RNF17: variants seen among roughly 807,000 people sequenced by gnomAD.
The protein encoded by RNF17 is ring finger protein 17, also known as spermatogenesis associated 23.
In RNF17, 31 loss-of-function variants were observed where a neutral mutation model predicts 200.5. The observed-to-expected ratio is 0.15, with a 90% CI of 0.12 to 0.21. The LOEUF is 0.21. Ranked by LOEUF, RNF17 falls within the 10% of genes least tolerant of loss-of-function variation. RNF17 has a pLI of 1.00. For synonymous variants in RNF17, 606 were observed against 637.8 expected (o/e 0.95, Z 0.75); for missense variants, 1,628 against 1,905.1 (o/e 0.85, Z 2.71).
At position 24,788,014 on chromosome 13, in the gene RNF17, C is replaced by T; in HGVS notation, c.638C>T (p.Ala213Val). The T allele has an allele frequency of 1.3e-6, 2 of 1,559,848 alleles. No individual in the cohort carries two copies. Among genetic ancestry groups the T allele is most frequent in the Non-Finnish European group, 1.7e-6 (2 of 1,160,312 alleles). The change falls in exon 7 of 36, where the codon GCA (alanine) becomes GTA (valine). Residue 213 changes from alanine to valine, a missense_variant. Ala to Val is a moderately conservative substitution (Grantham distance 64). Coordinates refer to ENST00000255324, the MANE Select transcript of RNF17 (RefSeq NM_031277.3). ...AAAAAGAACCTGTGTGAAGAATTTG[C>T]AAGAACTACTGATGATTATCTATCA... ...SRKKNLCEEF[A>V]RTTDDYLSNL...
At chr13:24,885,341 G>T in the RNF17 span, 2 of 1,613,770 alleles carry the variant, frequency 1.2e-6, no homozygotes, top group East Asian at 2.2e-5. Flanking sequence ...TTATATTCAG[G>T]ATCTGGGAAG....
downstream of RNF17, chr13:24,884,129 G>GAAGT (rs1566276064): frequency 6.2e-7 from 1 of 1,612,716 alleles, no homozygotes; most frequent in Admixed American, 1.7e-5. Flanking sequence ...AGGAAGGGAA[G>GAAGT]AATTTAATGA....
intron 22 of RNF17, among the ~76,000 whole-genome samples, chr13:24,848,052 C>G (rs1891447792): frequency 6.6e-6 from 1 of 152,182 alleles, no homozygotes; most frequent in South Asian, 2.1e-4. Context: ...TTAAGAACTT[C>G]TGGAACCTGC....
chr13:24,785,496 TAGTC>T (rs1028052601), intron 6 of RNF17, among the ~76,000 whole-genome samples: 5 of 152,208 alleles, frequency 3.3e-5, no homozygotes, highest in Non-Finnish European at 5.9e-5. Flanking sequence ...CATTAAACAT[TAGTC>T]AGCATGGTCT....
In RNF17 at chr13:24,862,761, C is replaced by T; in HGVS notation, c.3943C>T (p.Leu1315Phe). The change falls in exon 28 of 36, where the codon CTT becomes TTT. Residue 1315 changes from leucine (L) to phenylalanine (F), a missense_variant. This residue lies in a region of RNF17 where 609 missense variants were observed against 681.9 expected (regional missense o/e 0.89). Transcript: ENST00000255324. Reference protein sequence around the residue: ...PDAIEVLQQLLSKRQVDIHIM... With the variant: ...PDAIEVLQQLFSKRQVDIHIM... ...TGCAATAGAAGTTCTTCAACAACTG[C>T]TTTCAAAGAGACAGGTGGACATTCA... The T allele has an allele frequency of 6.2e-7, 1 of 1,607,370 alleles. No individual in the cohort carries two copies. The highest frequency in any genetic ancestry group is 8.5e-7 in the Non-Finnish European group (1 of 1,174,102).
rs778464641 is a variant in RNF17, at chr13:24,843,761, A to G, written c.2621A>G (p.Asn874Ser). The stretch of plus-strand genomic sequence containing the variant: ...TTTTTCAGATACATCCTCAAAGATA[A>G]TTCTCAAAAGCATATTGAAGTTTGG... ...SYEIGYILKD[N>S]SQKHIEVWDP... is the part of the protein sequence containing the mutation. Residue 874 changes from asparagine (N) to serine (S), a missense_variant, in exon 20 of 36, where the codon AAT (asparagine) becomes AGT (serine). Physicochemically the swap from Asn to Ser is conservative, Grantham distance 46. Around this residue, in one of 5 missense-constraint regions of RNF17, gnomAD observed 227 missense variants for 319.8 expected, o/e 0.71. Transcript: ENST00000255324. The G allele has an allele frequency of 4.4e-6, 7 of 1,591,262 alleles. No individual in the cohort carries two copies. The Admixed American group carries it at 1.0e-4, about 24-fold the overall frequency.
chr13:24,777,650 G>A (rs1457866641), intron 3 of RNF17, among the ~76,000 whole-genome samples: 1 of 152,024 alleles, frequency 6.6e-6, no homozygotes, highest in Non-Finnish European at 1.5e-5. Context: ...GCTGGCATTT[G>A]TATATATAAA....
At chr13:24,775,006 C>A in intron 3 of RNF17, 102 bp downstream of exon 3, 1 of 741,470 alleles carries the variant, frequency 1.3e-6, no homozygotes, top group Non-Finnish European at 2.2e-6. Context: ...GCATTTCTAA[C>A]CTACTGTTTA....
At chr13:24,888,340 G>T in the RNF17 span, among the ~76,000 whole-genome samples, 2 of 151,990 alleles carry the variant, frequency 1.3e-5, no homozygotes, top group African/African-American at 4.8e-5. Context: ...GGATTACTAT[G>T]CGGAATATTT....
At chr13:24,884,108 A>T, downstream of RNF17, 1 of 1,606,784 alleles carries the variant, frequency 6.2e-7, no homozygotes, top group Non-Finnish European at 8.5e-7. Flanking sequence ...GTTACAGTAA[A>T]TATTTTTTGA....
the RNF17 span, among the ~76,000 whole-genome samples, chr13:24,752,729 G>A: frequency 6.6e-6 from 1 of 152,228 alleles, no homozygotes; most frequent in Non-Finnish European, 1.5e-5. Context: ...GGTAATGCTC[G>A]CTCTTGCTGT....
chr13:24,753,495 G>T, the RNF17 span, among the ~76,000 whole-genome samples: 1 of 152,196 alleles, frequency 6.6e-6, no homozygotes, highest in South Asian at 2.1e-4. Flanking sequence ...GGCCAGGGAC[G>T]TTGGGACTGA....
intron 18 of RNF17, among the ~76,000 whole-genome samples, chr13:24,839,075 G>A (rs559035292): frequency 6.6e-6 from 1 of 151,824 alleles, no homozygotes; most frequent in Non-Finnish European, 1.5e-5. Context: ...TTTTACAATA[G>A]CTGCAAAAAA....
chr13:24,843,450 G>A (rs1401157372), intron 19 of RNF17, among the ~76,000 whole-genome samples: 8 of 152,034 alleles, frequency 5.3e-5, no homozygotes, highest in South Asian at 2.1e-4. Flanking sequence ...CCTGGGAGGC[G>A]CAAGCTGCAG....
At chr13:24,822,486 A>T (rs1270876885) in intron 15 of RNF17, among the ~76,000 whole-genome samples, 1 of 151,520 alleles carries the variant, frequency 6.6e-6, no homozygotes, top group Non-Finnish European at 1.5e-5. Context: ...CAGTGGCATG[A>T]TCTTGGCTGA....
At chr13:24,885,351 G>A in the RNF17 span, 1 of 1,613,958 alleles carries the variant, frequency 6.2e-7, no homozygotes, top group Non-Finnish European at 8.5e-7. Flanking sequence ...GATCTGGGAA[G>A]TTCAGTGGTT....
chr13:24,850,403 C>G lies in RNF17; in HGVS notation c.3164C>G (p.Thr1055Ser). Reference protein sequence around the residue: ...TACDCLSLYLTGAVATIILQV... With the variant: ...TACDCLSLYLSGAVATIILQV... ...TGTGACTGTCTTTCATTGTACCTGA[C>G]TGGAGCTGTAGCAACTATAATCTTA... is the stretch of plus-strand genomic sequence containing the variant. Residue 1055 changes from threonine (T) to serine (S), a missense_variant, in exon 23 of 36, where the codon ACT (threonine) becomes AGT (serine). This residue lies in a region of RNF17 where 609 missense variants were observed against 681.9 expected (regional missense o/e 0.89). Transcript: ENST00000255324. 1 of 1,613,442 alleles carries G rather than the reference C, an allele frequency of 6.2e-7. No homozygotes were observed. Among genetic ancestry groups the G allele is most frequent in the Non-Finnish European group, 8.5e-7 (1 of 1,179,632 alleles).
chr13:24,757,897 T>G, the RNF17 span, among the ~76,000 whole-genome samples: 1 of 152,170 alleles, frequency 6.6e-6, no homozygotes, highest in African/African-American at 2.4e-5. Flanking sequence ...ATCCCCAATG[T>G]TGGAGGTGGG....
chr13:24,765,416 C>T (rs998850862), intron 1 of RNF17, among the ~76,000 whole-genome samples: 1 of 152,144 alleles, frequency 6.6e-6, no homozygotes, highest in African/African-American at 2.4e-5. Context: ...TTCGTATTAC[C>T]TGGCGTAACT....
Sources: allele counts gnomAD v4.1 joint callset (sites outside exome capture counted in the v4.1 genomes callset), GRCh38; gene constraint gnomAD v4.1.1; regional missense constraint gnomAD v4.1.1; transcripts MANE v1.5; gene names NCBI Gene and HGNC (gene_info 2026-07-23, HGNC 2026-07-21).